TMCC1: variants seen among roughly 807,000 people sequenced by gnomAD.
TMCC1 encodes transmembrane and coiled-coil domain family 1.
Under a neutral mutation model 52.4 loss-of-function variants are expected in TMCC1, and 15 were observed. The observed-to-expected ratio is 0.29, with a 90% confidence interval of 0.19 to 0.44. The LOEUF (loss-of-function observed/expected upper bound fraction) is 0.44. Among genes scored for constraint, TMCC1 ranks in the 20% least tolerant of loss-of-function variants. TMCC1 has a pLI of 1.00. For missense variants in TMCC1, 503 were observed against 806.0 expected, an observed-to-expected ratio of 0.62 and a Z score of 4.55; for synonymous variants, 279 against 301.9, an observed-to-expected ratio of 0.92 and a Z score of 0.79.
chr3:129,765,143 A>AC (rs1459160174), intron 4 of TMCC1, among the ~76,000 whole-genome samples: 2 of 151,156 alleles, frequency 1.3e-5, no homozygotes, highest in Non-Finnish European at 3.0e-5. Flanking sequence ...TACTCAAAAA[A>AC]AAACCCCAAA....
intron 5 of TMCC1, among the ~76,000 whole-genome samples, 179 bp downstream of exon 5, chr3:129,670,151 G>A (rs528452570): frequency 4.3e-4 from 66 of 152,298 alleles, no homozygotes; most frequent in African/African-American, 1.4e-3. Context: ...AAACTGGCAC[G>A]AAAGACTGGA....
At chr3:129,861,455 A>C (rs759481439) in intron 2 of TMCC1, among the ~76,000 whole-genome samples, 2 of 152,158 alleles carry the variant, frequency 1.3e-5, no homozygotes, top group African/African-American at 4.8e-5. Context: ...ACAACAACAA[A>C]AAAAGAATTA....
intron 4 of TMCC1, among the ~76,000 whole-genome samples, chr3:129,738,720 C>T (rs1382793934): frequency 3.3e-5 from 5 of 151,562 alleles, no homozygotes; most frequent in Admixed American, 1.3e-4. Context: ...TTTTCATTGG[C>T]GATTAAAAAA....
At chr3:129,681,997 A>G (rs1387939220) in intron 4 of TMCC1, among the ~76,000 whole-genome samples, 1 of 152,074 alleles carries the variant, frequency 6.6e-6, no homozygotes, top group Non-Finnish European at 1.5e-5. Flanking sequence ...AAGTGTTCCT[A>G]CTTTTAGAGG....
At chr3:129,783,584 T>A (rs1435679428) in intron 4 of TMCC1, among the ~76,000 whole-genome samples, 2 of 152,176 alleles carry the variant, frequency 1.3e-5, no homozygotes, top group African/African-American at 4.8e-5. Flanking sequence ...GAAAGTTGCC[T>A]TCAGGGCCTG....
intron 2 of TMCC1, among the ~76,000 whole-genome samples, chr3:129,843,084 C>T (rs1415173803): frequency 1.3e-5 from 2 of 152,156 alleles, no homozygotes; most frequent in African/African-American, 2.4e-5. Flanking sequence ...TGGTGGCTCA[C>T]GCCTATAATC....
intron 4 of TMCC1, among the ~76,000 whole-genome samples, chr3:129,713,729 A>G (rs1228125104): frequency 6.6e-6 from 1 of 151,828 alleles, no homozygotes; most frequent in Non-Finnish European, 1.5e-5. Context: ...AAAAAAAGAA[A>G]AAAAAAAGGA....
intron 2 of TMCC1, among the ~76,000 whole-genome samples, chr3:129,876,438 T>TA (rs1235005709): frequency 6.6e-6 from 1 of 152,060 alleles, no homozygotes; most frequent in African/African-American, 2.4e-5. Flanking sequence ...AGCCAATCCT[T>TA]ACATTTTTTC....
At chr3:129,797,664 G>A (rs2056924902) in intron 4 of TMCC1, among the ~76,000 whole-genome samples, 1 of 151,776 alleles carries the variant, frequency 6.6e-6, no homozygotes, top group South Asian at 2.1e-4. Context: ...AGGATCACTC[G>A]AGTATGGGAG....
chr3:129,728,998 A>T (rs1371645691), intron 4 of TMCC1, among the ~76,000 whole-genome samples: 1 of 152,138 alleles, frequency 6.6e-6, no homozygotes, highest in Non-Finnish European at 1.5e-5. Flanking sequence ...TCCATTTTTT[A>T]GCAATTGTGA....
At chr3:129,682,762 A>G (rs1363761006) in intron 4 of TMCC1, among the ~76,000 whole-genome samples, 2 of 152,056 alleles carry the variant, frequency 1.3e-5, no homozygotes, top group African/African-American at 4.8e-5. Flanking sequence ...CTCCTTATAA[A>G]CCTGTTTTCA....
chr3:129,688,039 C>T (rs1010296394), intron 4 of TMCC1: 8 of 578,628 alleles, frequency 1.4e-5, no homozygotes, highest in Non-Finnish European at 1.5e-5. Flanking sequence ...TTATGTTTCT[C>T]CTTCTGGTTC....
At chr3:129,809,696 A>C (rs1033221782) in intron 4 of TMCC1, among the ~76,000 whole-genome samples, 1 of 152,236 alleles carries the variant, frequency 6.6e-6, no homozygotes, top group South Asian at 2.1e-4. Flanking sequence ...TATTTATAGA[A>C]AAACATTTAG....
intron 4 of TMCC1, among the ~76,000 whole-genome samples, chr3:129,692,683 A>T: frequency 6.6e-6 from 1 of 152,236 alleles, no homozygotes; most frequent in East Asian, 1.9e-4. Flanking sequence ...TCTCTGAAAC[A>T]GAAGTCATAA....
chr3:129,671,112 C>T lies in TMCC1; in HGVS notation c.729G>A (p.Lys243=). 1.9e-6 allele frequency: 3 copies of T among 1,614,178 alleles called. No individual in the cohort carries two copies. Among genetic ancestry groups the T allele is most frequent in the Non-Finnish European group, 2.5e-6 (3 of 1,180,034 alleles). The stretch of plus-strand genomic sequence containing the variant: ...GTGCAATCTTGATTTGTTCTGTGAG[C>T]TTCAGGATCTTCTGCTGCAGGTGAG... ...AIAHLQQKIL[K]LTEQIKIAQT... The change falls in exon 5 of 7, where the codon AAG becomes AAA. Residue 243 remains lysine, a synonymous_variant. Transcript: ENST00000393238.
chr3:129,656,427 GAACA>G lies in TMCC1; in HGVS notation c.1512-1328_1512-1325del, dbSNP rs138768484. Among the ~76,000 whole-genome samples, 184 of 152,286 alleles carry G rather than the reference GAACA, an allele frequency of 1.2e-3. 1 individual carries two copies. The highest frequency in any genetic ancestry group is 4.4e-3 in the African/African-American group (181 of 41,552). ...TCATACTAAAAGAATAAAAATGCCA[GAACA>G]AACTCACACATCTAAAACTATCTCC... On this transcript the variant is annotated intron_variant, in intron 5 of 6. Coordinates refer to ENST00000393238, the MANE Select transcript of TMCC1 (RefSeq NM_001017395.5).
chr3:129,791,810 C>T (rs974323714), intron 4 of TMCC1, among the ~76,000 whole-genome samples: 2 of 152,130 alleles, frequency 1.3e-5, no homozygotes, highest in African/African-American at 4.8e-5. Flanking sequence ...TTTTACTTCA[C>T]CTAAATCTTA....
At chr3:129,661,555 T>C (rs980160686) in intron 5 of TMCC1, among the ~76,000 whole-genome samples, 1 of 152,204 alleles carries the variant, frequency 6.6e-6, no homozygotes, top group Non-Finnish European at 1.5e-5. Flanking sequence ...ATTGTCTTTT[T>C]AAAAACTTTT....
chr3:129,797,974 C>T (rs1377883871), intron 4 of TMCC1, among the ~76,000 whole-genome samples: 1 of 146,290 alleles, frequency 6.8e-6, no homozygotes, highest in African/African-American at 2.5e-5. Flanking sequence ...ACAGAGCACC[C>T]GAGTTGTGTG....
Sources: gnomAD v4.1 joint callset for allele counts (sites outside exome capture counted in the v4.1 genomes callset) on GRCh38, gnomAD v4.1.1 for gene constraint, MANE v1.5 for transcripts, NCBI Gene and HGNC (gene_info 2026-07-23, HGNC 2026-07-21) for gene names.